The following IGFLR1 variants were observed in gnomAD, a reference collection of about 807,000 sequenced individuals.
IGFLR1 encodes IGF-like family receptor 1.
A neutral mutation model predicts 23.4 loss-of-function variants in IGFLR1; 17 were observed. That is an observed-to-expected ratio of 0.73 (90% CI 0.50 to 1.09). The LOEUF is 1.09. IGFLR1 is among the 50% of genes least tolerant of loss of function. The pLI is 0.00. For missense variants in IGFLR1, 556 were observed against 459.2 expected, an observed-to-expected ratio of 1.21 and a Z score of -1.93; for synonymous variants, 265 against 210.7, an observed-to-expected ratio of 1.26 and a Z score of -2.23.
rs766995822 is a variant in IGFLR1, at chr19:35,739,336, C to T, written c.1012G>A (p.Ala338Thr). ...LGTHLAQLGRADALRVLSKLG... is the reference protein window; with the variant it reads ...LGTHLAQLGRTDALRVLSKLG... ...TTGGACAGCACCCGCAATGCATCTG[C>T]CCGCCCTAGCTGGGCGAGGTGTGTG... Residue 338 changes from alanine to threonine, a missense_variant, in exon 5 of 5, where the codon GCA becomes ACA. Ala to Thr is a moderately conservative substitution (Grantham distance 58). Transcript: ENST00000246532. The T allele has an allele frequency of 8.7e-6, 14 of 1,609,916 alleles. No homozygotes were observed. Among genetic ancestry groups the T allele is most frequent in the Middle Eastern group, 1.7e-4 (1 of 6,024 alleles).
intron 3 of IGFLR1, 89 bp from the exon 4 acceptor site, chr19:35,740,177 C>T (rs1455251123): frequency 7.0e-7 from 1 of 1,436,730 alleles, no homozygotes; most frequent in African/African-American, 1.4e-5. Flanking sequence ...TTTAATGGGG[C>T]CACATCCCAT....
Position 35,739,936 on chromosome 19 carries a change from C to T in IGFLR1, c.495G>A (p.Val165=). The T allele has an allele frequency of 6.2e-7, 1 of 1,614,148 alleles. No homozygotes were observed. The highest frequency in any genetic ancestry group is 1.3e-5 in the African/African-American group (1 of 75,036). Residue 165 remains valine (V), a synonymous_variant, in exon 4 of 5, where the codon GTG becomes GTA. Coordinates refer to ENST00000246532, the MANE Select transcript of IGFLR1 (RefSeq NM_024660.4). ...QQAWPNFLPL[V]VLVLLLTLAV... The stretch of plus-strand genomic sequence containing the variant: ...CCAAGGTCAGGAGCAGGACCAGCAC[C>T]ACGAGCGGAAGGAAATTCGGCCAGG...
At chr19:35,740,643 C>T in intron 2 of IGFLR1, 79 bp from the exon 3 acceptor site, 2 of 1,353,136 alleles carry the variant, frequency 1.5e-6, no homozygotes, top group Non-Finnish European at 2.0e-6. Flanking sequence ...CGCCCTATCC[C>T]AGCGTGCCCC....
intron 1 of IGFLR1, chr19:35,741,657 CAAAAAA>C (rs35356311): frequency 2.4e-4 from 21 of 86,068 alleles, no homozygotes; most frequent in East Asian, 9.8e-4. Flanking sequence ...CCCATCTTTA[CAAAAAA>C]AAAAAAAAAA....
chr19:35,739,988 C>G lies in IGFLR1; in HGVS notation c.443G>C (p.Arg148Thr), dbSNP rs765539534. The G allele has an allele frequency of 1.2e-6, 2 of 1,614,154 alleles. No individual in the cohort carries two copies. Among genetic ancestry groups the G allele is most frequent in the South Asian group, 1.1e-5 (1 of 91,084 alleles). ...CTGCTGAGGGACAGGCTCAGGGGTC[C>G]TCCAGGCAATGGAACTTGCTGGTGA... ...RSSPASSIAWRTPEPVPQQAW... is the reference protein window; with the variant it reads ...RSSPASSIAWTTPEPVPQQAW... Residue 148 changes from arginine (R) to threonine (T), a missense_variant, in exon 4 of 5, where the codon AGG becomes ACG. By Grantham distance (71) the Arg-to-Thr change is moderately conservative. Transcript: ENST00000246532.
chr19:35,741,506 G>T lies in IGFLR1; in HGVS notation c.-43-283C>A, dbSNP rs554650727. Reference sequence around the variant, plus strand: ...ACCTGTCTCATAGGGTTATTGTGGAGAATTAGAACCGTCATTAGAAGTAAA... The same window carrying T: ...ACCTGTCTCATAGGGTTATTGTGGATAATTAGAACCGTCATTAGAAGTAAA... On this transcript the variant is annotated intron_variant, in intron 1 of 4. Transcript: ENST00000246532. 1.9e-4 allele frequency: 65 copies of T among 342,836 alleles called. No individual in the cohort carries two copies. In the Admixed American group the frequency reaches 2.5e-3, roughly 13 times the overall value. 21.2% of individuals were successfully genotyped at this position (342,836 alleles called of 1,614,324 possible). A position where few individuals can be genotyped will look rare whatever the true frequency, so the allele number is the denominator to read the frequency against.
intron 1 of IGFLR1, 23 bp from the exon 2 acceptor site, chr19:35,741,246 G>A: frequency 6.3e-7 from 1 of 1,584,180 alleles, no homozygotes; most frequent in Non-Finnish European, 8.5e-7. Context: ...GGGAAATCGG[G>A]CAGAAGAAAG....
chr19:35,739,935 C>G lies in IGFLR1; in HGVS notation c.496G>C (p.Val166Leu). Residue 166 changes from valine (V) to leucine (L), a missense_variant, in exon 4 of 5, where the codon GTG (valine) becomes CTG (leucine). By Grantham distance (32) the Val-to-Leu change is conservative. Transcript: ENST00000246532. ...GCCAAGGTCAGGAGCAGGACCAGCA[C>G]CACGAGCGGAAGGAAATTCGGCCAG... ...QAWPNFLPLV[V>L]LVLLLTLAVI... is the part of the protein sequence containing the mutation. The G allele has an allele frequency of 3.7e-6, 6 of 1,614,132 alleles. No individual in the cohort carries two copies. Among genetic ancestry groups the G allele is most frequent in the Non-Finnish European group, 5.1e-6 (6 of 1,180,014 alleles).
At chr19:35,742,304 C>T in intron 1 of IGFLR1, 92 bp downstream of exon 1, 1 of 1,073,226 alleles carries the variant, frequency 9.3e-7, no homozygotes, top group East Asian at 3.6e-5. Flanking sequence ...GGGCTCCTCC[C>T]ACCTGCCACA....
At chr19:35,740,876 G>A in intron 2 of IGFLR1, 148 bp downstream of exon 2, 1 of 747,222 alleles carries the variant, frequency 1.3e-6, no homozygotes, top group Non-Finnish European at 2.1e-6. Context: ...CACAGGCTCT[G>A]CCTGCCATCC....
chr19:35,740,741 G>T (rs960964247), intron 2 of IGFLR1, 177 bp from the exon 3 acceptor site: 1 of 685,802 alleles, frequency 1.5e-6, no homozygotes, highest in Non-Finnish European at 2.4e-6. Context: ...CCTCCAGCCT[G>T]CTCCGCACGA....
rs1970203115 is a variant in IGFLR1, at chr19:35,741,068, C to G, written c.113G>C (p.Cys38Ser). The G allele has an allele frequency of 6.2e-7, 1 of 1,607,262 alleles. No homozygotes were observed. The highest frequency in any genetic ancestry group is 1.1e-5 in the South Asian group (1 of 90,472). ...RLEYWNPDNK[C>S]CSSCLQRFGP... The stretch of plus-strand genomic sequence containing the variant: ...GAAGCGTTGCAGGCAGCTGCTGCAG[C>G]ACTTGTTGTCTGGGTTCCAGTATTC... Residue 38 changes from cysteine (C) to serine (S), a missense_variant, in exon 2 of 5, where the codon TGC becomes TCC. Cys to Ser is a moderately radical substitution (Grantham distance 112, BLOSUM62 -1). Transcript: ENST00000246532.
At position 35,739,752 on chromosome 19, in the gene IGFLR1, C is replaced by T. The variant is rs367737500; in HGVS notation, c.679G>A (p.Asp227Asn). The T allele has an allele frequency of 1.9e-6, 3 of 1,554,672 alleles. No individual in the cohort carries two copies. The highest frequency in any genetic ancestry group is 4.5e-5 in the East Asian group (2 of 44,278). Residue 227 changes from aspartate to asparagine, a missense_variant, in exon 4 of 5, where the codon GAC (aspartate) becomes AAC (asparagine). By Grantham distance (23) the Asp-to-Asn change is conservative (BLOSUM62 1). Coordinates refer to ENST00000246532, the MANE Select transcript of IGFLR1 (RefSeq NM_024660.4). ...LSSPGALETG[D>N]TWKEASLLPL... ...AGTAGTGAGGCCTCCTTCCATGTGT[C>T]CCCTGTCTCCAGGGCGCCTGGGGAG...
intron 2 of IGFLR1, 24 bp from the exon 3 acceptor site, chr19:35,740,588 T>C: frequency 9.5e-6 from 15 of 1,579,164 alleles, no homozygotes; most frequent in Non-Finnish European, 1.3e-5. Flanking sequence ...TGCGCTCCAG[T>C]GCGGCCGCCT....
At chr19:35,740,947 C>G (rs778774317) in intron 2 of IGFLR1, 77 bp downstream of exon 2, 1 of 1,411,314 alleles carries the variant, frequency 7.1e-7, no homozygotes, top group Non-Finnish European at 9.8e-7. Context: ...TGGCCCGTAG[C>G]CCACAGACCT....
intron 2 of IGFLR1, 61 bp from the exon 3 acceptor site, chr19:35,740,625 T>A (rs2146493166): frequency 6.7e-7 from 1 of 1,487,430 alleles, no homozygotes. Context: ...GGCAACGCCC[T>A]CTCCCTTCGC....
chr19:35,739,374 A>G lies in IGFLR1; in HGVS notation c.974T>C (p.Leu325Pro). The G allele has an allele frequency of 6.2e-7, 1 of 1,612,792 alleles. No homozygotes were observed. Among genetic ancestry groups the G allele is most frequent in the Non-Finnish European group, 8.5e-7 (1 of 1,179,630 alleles). ...MVVAREPSAS[L>P]GQLGTHLAQL... is the part of the protein sequence containing the mutation. Reference sequence around the variant, plus strand: ...GGCGAGGTGTGTGCCAAGCTGGCCCAGGGAGGCAGAGGGCTCCCTTGCCAC... The same window carrying G: ...GGCGAGGTGTGTGCCAAGCTGGCCCGGGGAGGCAGAGGGCTCCCTTGCCAC... The change falls in exon 5 of 5, where the codon CTG (leucine) becomes CCG (proline). Residue 325 changes from leucine (L) to proline (P), a missense_variant. By Grantham distance (98) the Leu-to-Pro change is moderately conservative. Transcript: ENST00000246532.
chr19:35,740,236 C>G, intron 3 of IGFLR1, 144 bp downstream of exon 3: 1 of 1,326,510 alleles, frequency 7.5e-7, no homozygotes, highest in South Asian at 1.5e-5. Context: ...GCCCAACTAC[C>G]TTAACCTAGG....
rs775330025 is a variant in IGFLR1, at chr19:35,739,254, T to C, written c.*26A>G. On this transcript the variant is annotated 3_prime_UTR_variant, in exon 5 of 5. Coordinates refer to ENST00000246532, the MANE Select transcript of IGFLR1 (RefSeq NM_024660.4). ...AGTGCTAATTGTATACTGGGCTTAG[T>C]AGTCAGCAAAGTTCTTTATTGGGTG... 8 of 1,515,962 alleles carry C rather than the reference T, an allele frequency of 5.3e-6. No homozygotes were observed. The Admixed American group carries it at 8.1e-5, about 15-fold the overall frequency. The allele number at this position is 1,515,962 out of a possible 1,614,324, so 93.9% of individuals were successfully genotyped here. A position where few individuals can be genotyped will look rare whatever the true frequency, so the allele number is the denominator to read the frequency against.
Sources: gnomAD v4.1 joint callset for allele counts on GRCh38, gnomAD v4.1.1 for gene constraint, MANE v1.5 for transcripts, NCBI Gene and HGNC (gene_info 2026-07-23, HGNC 2026-07-21) for gene names.